Variants in GAB2 observed in about 807,000 individuals in gnomAD.
The protein encoded by GAB2 is GRB2-associated-binding protein 2.
Under a neutral mutation model 65.5 loss-of-function variants are expected in GAB2, and 26 were observed. The observed-to-expected ratio is 0.40, with a 90% confidence interval of 0.29 to 0.55. The LOEUF is 0.55. Among genes scored for constraint, GAB2 ranks in the 20% least tolerant of loss-of-function variants. The pLI, the probability that GAB2 is intolerant of heterozygous loss-of-function variation, is 0.53. For missense variants in GAB2, 884 were observed against 875.8 expected (o/e 1.01, Z -0.12); for synonymous variants, 321 against 329.6 (o/e 0.97, Z 0.28).
chr11:78,320,503 G>T (rs1409834797), intron 1 of GAB2, among the ~76,000 whole-genome samples: 1 of 152,164 alleles, frequency 6.6e-6, no homozygotes, highest in African/African-American at 2.4e-5. Flanking sequence ...GAGTGCTATG[G>T]CTGGATTTAT....
At chr11:78,357,528 T>A (rs1015029095) in intron 1 of GAB2, among the ~76,000 whole-genome samples, 2 of 152,152 alleles carry the variant, frequency 1.3e-5, no homozygotes, top group African/African-American at 4.8e-5. Context: ...GACAAAGGGC[T>A]AATATCCAGA....
chr11:78,375,975 A>G (rs73502907), intron 1 of GAB2, among the ~76,000 whole-genome samples: 4,191 of 152,276 alleles, frequency 0.028, 166 homozygotes, highest in African/African-American at 0.089. Context: ...AGCTCTGTGC[A>G]TTCCAGATTT....
intron 3 of GAB2, among the ~76,000 whole-genome samples, chr11:78,245,458 G>T (rs907702817): frequency 6.6e-6 from 1 of 152,138 alleles, no homozygotes; most frequent in Non-Finnish European, 1.5e-5. Flanking sequence ...AAACAGAACT[G>T]TCATTCTGGA....
chr11:78,412,977 G>A (rs116582328), intron 1 of GAB2, among the ~76,000 whole-genome samples: 1 of 152,282 alleles, frequency 6.6e-6, no homozygotes, highest in Middle Eastern at 3.4e-3. Context: ...ATTAGATGTG[G>A]GATAGTGGGT....
chr11:78,296,834 G>A (rs1866843315), intron 1 of GAB2, among the ~76,000 whole-genome samples: 3 of 152,206 alleles, frequency 2.0e-5, no homozygotes, highest in South Asian at 4.1e-4. Flanking sequence ...CAGTGCTGGA[G>A]GCTGGAAAGT....
rs1565415958 is a variant in GAB2, at chr11:78,221,853, C to A, written c.1659-74G>T. The A allele has an allele frequency of 2.9e-6, 3 of 1,050,398 alleles. No individual in the cohort carries two copies. The East Asian group carries it at 7.2e-5, about 25-fold the overall frequency. The allele number at this position is 1,050,398 out of a possible 1,614,324, so 65.1% of individuals were successfully genotyped here. ...CCATGTTTCTAGCCTCCAGCTGGGCCCTGACCCTCACACACCCAGACCTCA... is the reference window on the plus strand; with the variant it reads ...CCATGTTTCTAGCCTCCAGCTGGGCACTGACCCTCACACACCCAGACCTCA... On this transcript the variant is annotated intron_variant, in intron 7 of 9. Coordinates refer to ENST00000361507, the MANE Select transcript of GAB2 (RefSeq NM_080491.3).
intron 2 of GAB2, among the ~76,000 whole-genome samples, chr11:78,277,032 T>C (rs1251928985): frequency 2.6e-5 from 4 of 152,176 alleles, no homozygotes; most frequent in Admixed American, 1.3e-4. Context: ...TCAGCCAGGA[T>C]GGTGTCGATC....
At chr11:78,361,603 C>T (rs995110570) in intron 1 of GAB2, among the ~76,000 whole-genome samples, 3 of 152,136 alleles carry the variant, frequency 2.0e-5, no homozygotes, top group Non-Finnish European at 4.4e-5. Context: ...AGACAAATAA[C>T]TATAAATGAT....
chr11:78,285,764 G>A (rs967308127), intron 1 of GAB2, among the ~76,000 whole-genome samples: 3 of 152,204 alleles, frequency 2.0e-5, no homozygotes, highest in Non-Finnish European at 2.9e-5. Flanking sequence ...ACGGCATGGG[G>A]CCCCATGTGT....
rs1385674423 is a variant in GAB2, at chr11:78,220,385, C to T, written c.1821G>A (p.Lys607=). The change falls in exon 9 of 10, where the codon AAG becomes AAA. Residue 607 remains lysine (K), a synonymous_variant. Coordinates refer to ENST00000361507, the MANE Select transcript of GAB2 (RefSeq NM_080491.3). ...PSGTNSPAPK[K]STGSVDYLAL... ...CCAGATAATCAACGCTGCCGGTGCT[C>T]TTCTTAGGGGCAGGACTGTTCGTGC... The T allele has an allele frequency of 6.2e-7, 1 of 1,612,620 alleles. No homozygotes were observed. The highest frequency in any genetic ancestry group is 1.3e-5 in the African/African-American group (1 of 74,868).
intron 1 of GAB2, among the ~76,000 whole-genome samples, chr11:78,315,956 T>C (rs952207502): frequency 6.6e-6 from 1 of 152,136 alleles, no homozygotes; most frequent in Non-Finnish European, 1.5e-5. Flanking sequence ...CTACTGCCTG[T>C]CAGCATGGCC....
At chr11:78,373,515 G>A (rs1253630858) in intron 1 of GAB2, among the ~76,000 whole-genome samples, 1 of 152,092 alleles carries the variant, frequency 6.6e-6, no homozygotes, top group Non-Finnish European at 1.5e-5. Flanking sequence ...TGGGATTACA[G>A]GCGTGAGCCA....
chr11:78,380,556 C>T (rs529670465), intron 1 of GAB2, among the ~76,000 whole-genome samples: 177 of 152,282 alleles, frequency 1.2e-3, no homozygotes, highest in African/African-American at 4.0e-3. Flanking sequence ...GAATAAAATG[C>T]AAATAAAACA....
chr11:78,332,511 A>G (rs1373481137), intron 1 of GAB2, among the ~76,000 whole-genome samples: 1 of 152,256 alleles, frequency 6.6e-6, no homozygotes, highest in African/African-American at 2.4e-5. Flanking sequence ...CCAGTGTCCT[A>G]CACACATATC....
At position 78,215,403 on chromosome 11, in the gene GAB2, C is replaced by T. The variant is rs1321297622; in HGVS notation, c.*3869G>A. The T allele has an allele frequency of 1.3e-5, 2 of 152,624 alleles. No individual in the cohort carries two copies. The highest frequency in any genetic ancestry group is 3.8e-4 in the East Asian group (2 of 5,200). 9.5% of individuals were successfully genotyped at this position (152,624 alleles called of 1,614,324 possible). A position where few individuals can be genotyped will look rare whatever the true frequency, so the allele number is the denominator to read the frequency against. The stretch of plus-strand genomic sequence containing the variant: ...GTGTCACCACAGCAAAAACATGACC[C>T]ACTTGAACACACTCCTGTCCCACCC... On this transcript the variant is annotated 3_prime_UTR_variant, in exon 10 of 10. Transcript: ENST00000361507.
chr11:78,410,599 A>G, intron 1 of GAB2, among the ~76,000 whole-genome samples: 1 of 152,238 alleles, frequency 6.6e-6, no homozygotes, highest in East Asian at 1.9e-4. Flanking sequence ...CCCTGCAGAC[A>G]CTGAAAGCAT....
At position 78,406,666 on chromosome 11, in the gene GAB2, AAAATGTCCAGGTTTTAATAG is replaced by A. The variant is rs368477585; in HGVS notation, c.75+10960_75+10979del. On this transcript the variant is annotated intron_variant, in intron 1 of 9. Transcript: ENST00000361507. Reference sequence around the variant, plus strand: ...GTGCTAGGATTACATGTGTGAGCCAAAAATGTCCAGGTTTTAATAGAAAACGACTCATTATACAAAGAATG... The same window carrying A: ...GTGCTAGGATTACATGTGTGAGCCAAAAAACGACTCATTATACAAAGAATG... Among the ~76,000 whole-genome samples, 286 of 152,280 alleles carry A rather than the reference AAAATGTCCAGGTTTTAATAG, an allele frequency of 1.9e-3. 1 individual carries two copies. Among genetic ancestry groups the A allele is most frequent in the African/African-American group, 6.7e-3 (279 of 41,558 alleles).
intron 1 of GAB2, among the ~76,000 whole-genome samples, chr11:78,400,516 T>C (rs1856955371): frequency 6.6e-6 from 1 of 152,242 alleles, no homozygotes; most frequent in South Asian, 2.1e-4. Flanking sequence ...AACAGCCTGC[T>C]CAGGAACCTG....
rs190162949 is a variant in GAB2 at position 78,281,366 on chromosome 11, C to T, written c.76-465G>A. Among the ~76,000 whole-genome samples the T allele has an allele frequency of 9.2e-5, 14 of 152,234 alleles. No individual in the cohort carries two copies. The East Asian group carries it at 2.5e-3, about 27-fold the overall frequency. ...GTTCAAGCGATTCTCCTGCCTCAGCCTCCTGAGTAGCTAGGATTACAGGCA... is the reference window on the plus strand; with the variant it reads ...GTTCAAGCGATTCTCCTGCCTCAGCTTCCTGAGTAGCTAGGATTACAGGCA... On this transcript the variant is annotated intron_variant, in intron 1 of 9. Coordinates refer to ENST00000361507, the MANE Select transcript of GAB2 (RefSeq NM_080491.3).
Sources: gnomAD v4.1 joint callset for allele counts (sites outside exome capture counted in the v4.1 genomes callset) on GRCh38, gnomAD v4.1.1 for gene constraint, MANE v1.5 for transcripts, NCBI Gene and HGNC (gene_info 2026-07-23, HGNC 2026-07-21) for gene names.